Variants in CLCN5 observed in about 807,000 individuals in gnomAD.
The protein encoded by CLCN5 is Cl-/H+ antiporter 5.
CLCN5 carries 17 observed loss-of-function variants against 54.0 expected under a neutral mutation model. The ratio of observed to expected loss-of-function variants is 0.31; its 90% confidence interval spans 0.22 to 0.47. CLCN5 has a LOEUF of 0.47. Among genes scored for constraint, CLCN5 ranks in the 20% least tolerant of loss-of-function variants. The probability of loss-of-function intolerance (pLI) is 1.00; values close to 1 mark genes in which losing one functional copy is unlikely to be tolerated. For synonymous variants in CLCN5, 222 were observed against 233.0 expected (o/e 0.95, Z 0.43); for missense variants, 448 against 646.7 (o/e 0.69, Z 3.33).
chrX:49,961,829 A>G (rs1032943550), intron 3 of CLCN5, among the ~76,000 whole-genome samples: 7 of 111,471 alleles, frequency 6.3e-5, no homozygotes, highest in African/African-American at 2.0e-4. Context: ...TTATCATGTT[A>G]GTGAATCTCC....
chrX:49,978,808 G>T (rs934342643), intron 3 of CLCN5, among the ~76,000 whole-genome samples: 2 of 111,745 alleles, frequency 1.8e-5, no homozygotes, highest in African/African-American at 6.5e-5. Flanking sequence ...GGTAGGTTTG[G>T]CCTGTAGACT....
chrX:49,976,382 A>G (rs1473082266), intron 3 of CLCN5, among the ~76,000 whole-genome samples: 1 of 112,426 alleles, frequency 8.9e-6, no homozygotes, highest in Admixed American at 9.4e-5. Flanking sequence ...GGATAATGTC[A>G]GAAAAAATCC....
intron 3 of CLCN5, among the ~76,000 whole-genome samples, chrX:50,034,074 G>A (rs1931868217): frequency 1.8e-5 from 2 of 112,382 alleles, no homozygotes; most frequent in Non-Finnish European, 3.8e-5. Context: ...ATTAGTCCAA[G>A]CCTCTGAAAT....
At chrX:49,937,404 C>G (rs1377364450) in intron 3 of CLCN5, among the ~76,000 whole-genome samples, 2 of 111,307 alleles carry the variant, frequency 1.8e-5, no homozygotes, top group African/African-American at 6.5e-5. Context: ...TAAATAAAAA[C>G]TTTACCTCAC....
At chrX:50,031,377 A>G (rs1433959152) in intron 3 of CLCN5, among the ~76,000 whole-genome samples, 5 of 111,585 alleles carry the variant, frequency 4.5e-5, no homozygotes, top group African/African-American at 9.8e-5. Context: ...TTTCTCATCA[A>G]CTGTGGGTGT....
chrX:50,007,348 G>A (rs1930203514), intron 3 of CLCN5, among the ~76,000 whole-genome samples: 2 of 105,208 alleles, frequency 1.9e-5, no homozygotes, highest in Admixed American at 2.1e-4. Context: ...ATACTCACAG[G>A]GCCAGATGCC....
rs1157113491 is a variant in CLCN5, at chrX:50,096,217, AAAGT to A, written c.*4003_*4006del. ...ACCCGGAGAAAAATTAGGAATTTAGAAAGTAAGTGGGAGGTAGAATATTGAGTCC... is the reference window on the plus strand; with the variant it reads ...ACCCGGAGAAAAATTAGGAATTTAGAAAGTGGGAGGTAGAATATTGAGTCC... On this transcript the variant is annotated 3_prime_UTR_variant, in exon 15 of 15. Coordinates refer to ENST00000376091, the MANE Select transcript of CLCN5 (RefSeq NM_001127898.4). 8.9e-6 allele frequency: 1 copy of A among 111,909 alleles called. No individual in the cohort carries two copies. The highest frequency in any genetic ancestry group is 1.9e-5 in the Non-Finnish European group (1 of 53,197). 9.2% of individuals were successfully genotyped at this position (111,909 alleles called of 1,213,427 possible). A position where few individuals can be genotyped will look rare whatever the true frequency, so the allele number is the denominator to read the frequency against.
At chrX:49,995,054 C>T (rs1929443814) in intron 3 of CLCN5, among the ~76,000 whole-genome samples, 1 of 111,539 alleles carries the variant, frequency 9.0e-6, no homozygotes, top group African/African-American at 3.3e-5. Flanking sequence ...TATCTTGCCT[C>T]CTGGACCTAA....
intron 3 of CLCN5, among the ~76,000 whole-genome samples, chrX:50,000,418 C>T (rs1265976818): frequency 9.0e-6 from 1 of 110,735 alleles, no homozygotes; most frequent in African/African-American, 3.3e-5. Flanking sequence ...CACCTTATTA[C>T]CCCTTTTCTG....
intron 3 of CLCN5, among the ~76,000 whole-genome samples, chrX:50,011,911 C>T (rs1306419052): frequency 3.6e-5 from 4 of 111,384 alleles, no homozygotes; most frequent in African/African-American, 6.5e-5. Flanking sequence ...TGTGTCAATG[C>T]GGTGCACCCA....
Position 50,012,439 on chromosome X carries a change from A to G in CLCN5, c.17-29877A>G, listed in dbSNP as rs149497269. On this transcript the variant is annotated intron_variant, in intron 3 of 14. Coordinates refer to ENST00000376091, the MANE Select transcript of CLCN5 (RefSeq NM_001127898.4). ...TTCACCTTTGTATGGTCATAGGAAA[A>G]TCACCTGTGAGCCAGAGAGTGCTGT... is the stretch of plus-strand genomic sequence containing the variant. Among the ~76,000 whole-genome samples the G allele has an allele frequency of 7.3e-3, 825 of 112,333 alleles. 4 individuals carry two copies. Among genetic ancestry groups the G allele is most frequent in the African/African-American group, 0.025 (779 of 30,954 alleles).
rs1931773045 is a variant in CLCN5 at position 50,032,689 on chromosome X, T to G, written c.17-9627T>G. Among the ~76,000 whole-genome samples, 6 of 109,934 alleles carry G rather than the reference T, an allele frequency of 5.5e-5. No homozygotes were observed. In the South Asian group the frequency reaches 2.3e-3, roughly 41 times the overall value. Reference sequence around the variant, plus strand: ...GTAGGTTGCCTGTTCACTCTGATGGTAGTTTCTTTTGCTGTGCGGAAGCTC... The same window carrying G: ...GTAGGTTGCCTGTTCACTCTGATGGGAGTTTCTTTTGCTGTGCGGAAGCTC... On this transcript the variant is annotated intron_variant, in intron 3 of 14. Coordinates refer to ENST00000376091, the MANE Select transcript of CLCN5 (RefSeq NM_001127898.4).
At chrX:50,030,532 C>T (rs184743847) in intron 3 of CLCN5, among the ~76,000 whole-genome samples, 122 of 111,707 alleles carry the variant, frequency 1.1e-3, no homozygotes, top group African/African-American at 3.3e-3. Flanking sequence ...ACGCATTCCT[C>T]ATTTTTGTCC....
intron 3 of CLCN5, among the ~76,000 whole-genome samples, chrX:50,035,714 G>T (rs1931963001): frequency 8.9e-6 from 1 of 112,247 alleles, no homozygotes; most frequent in Non-Finnish European, 1.9e-5. Flanking sequence ...TGTGGCAAGA[G>T]ATAAGTCTGT....
chrX:50,079,883 A>G (rs1557192771), intron 7 of CLCN5, among the ~76,000 whole-genome samples: 1 of 111,264 alleles, frequency 9.0e-6, no homozygotes, highest in Non-Finnish European at 1.9e-5. Context: ...CAGTAGAGTT[A>G]ATAATGCTGT....
At chrX:50,031,162 C>T (rs1602069084) in intron 3 of CLCN5, among the ~76,000 whole-genome samples, 1 of 111,569 alleles carries the variant, frequency 9.0e-6, no homozygotes, top group South Asian at 3.7e-4. Flanking sequence ...TTTTAATTTA[C>T]CTGAATTTTT....
At chrX:49,986,244 T>C (rs1477523982) in intron 3 of CLCN5, among the ~76,000 whole-genome samples, 1 of 111,671 alleles carries the variant, frequency 9.0e-6, no homozygotes, top group East Asian at 2.8e-4. Flanking sequence ...TCTAGTATTG[T>C]AAAGCTTTTA....
At chrX:50,068,753 C>A (rs1933125177) in intron 4 of CLCN5, among the ~76,000 whole-genome samples, 1 of 110,922 alleles carries the variant, frequency 9.0e-6, no homozygotes, top group Admixed American at 9.6e-5. Flanking sequence ...GATTCATTAC[C>A]AAACAGTCTG....
At chrX:49,974,912 G>A (rs782002997) in intron 3 of CLCN5, among the ~76,000 whole-genome samples, 1 of 111,874 alleles carries the variant, frequency 8.9e-6, no homozygotes, top group African/African-American at 3.2e-5. Context: ...GTTCAGTTTT[G>A]GACAAATGGA....
Sources: gnomAD v4.1 joint callset for allele counts (sites outside exome capture counted in the v4.1 genomes callset) on GRCh38, gnomAD v4.1.1 for gene constraint, MANE v1.5 for transcripts, NCBI Gene and HGNC (gene_info 2026-07-23, HGNC 2026-07-21) for gene names.